Variants in TSHZ2 observed in about 807,000 individuals in gnomAD.
The protein encoded by TSHZ2 is teashirt zinc finger homeobox 2.
In TSHZ2, 21 loss-of-function variants were observed where a neutral mutation model predicts 74.4. The ratio of observed to expected loss-of-function variants is 0.28; its 90% CI spans 0.20 to 0.41. TSHZ2 has a LOEUF of 0.41. Ranked by LOEUF, TSHZ2 falls within the 10% of genes least tolerant of loss-of-function variation. TSHZ2 has a pLI of 1.00. For missense variants in TSHZ2, 1,244 were observed against 1,293.5 expected, an observed-to-expected ratio of 0.96 and a Z score of 0.59; for synonymous variants, 540 against 515.3, an observed-to-expected ratio of 1.05 and a Z score of -0.65.
At chr20:53,417,364 T>G (rs1173389919) in intron 2 of TSHZ2, among the ~76,000 whole-genome samples, 1 of 152,054 alleles carries the variant, frequency 6.6e-6, no homozygotes, top group African/African-American at 2.4e-5. Context: ...TGGCACAATC[T>G]TGGCTTACTG....
intron 2 of TSHZ2, among the ~76,000 whole-genome samples, chr20:53,272,845 G>A (rs1351115279): frequency 6.6e-6 from 1 of 152,176 alleles, no homozygotes; most frequent in Non-Finnish European, 1.5e-5. Flanking sequence ...AGAGAAACAG[G>A]GGATGCAGGT....
At chr20:53,468,206 A>T (rs1985619056) in intron 2 of TSHZ2, among the ~76,000 whole-genome samples, 1 of 152,166 alleles carries the variant, frequency 6.6e-6, no homozygotes, top group African/African-American at 2.4e-5. Flanking sequence ...ATTTAGATTG[A>T]CATACCTTTG....
At chr20:53,170,149 C>A (rs1335951603) in intron 1 of TSHZ2, among the ~76,000 whole-genome samples, 3 of 152,194 alleles carry the variant, frequency 2.0e-5, no homozygotes, top group Non-Finnish European at 2.9e-5. Context: ...GAATGGAGAT[C>A]TATTCAGCCC....
At chr20:53,185,362 T>C (rs1215294776) in intron 1 of TSHZ2, 1 of 1,169,894 alleles carries the variant, frequency 8.5e-7, no homozygotes. Flanking sequence ...TGCTCCAAAA[T>C]TGGTGATAGC....
At chr20:53,023,648 A>G (rs1983329739) in intron 1 of TSHZ2, among the ~76,000 whole-genome samples, 5 of 146,432 alleles carry the variant, frequency 3.4e-5, no homozygotes, top group Non-Finnish European at 7.5e-5. Context: ...GTTTTTTATG[A>G]GTTATCAAGT....
rs539937881 is a variant in TSHZ2 at position 53,265,399 on chromosome 20, G to A, written c.*8+8828G>A. On this transcript the variant is annotated intron_variant, in intron 2 of 2. Transcript: ENST00000371497. The stretch of plus-strand genomic sequence containing the variant: ...GTGTTGGAGGTGAGCAGGGACAGGC[G>A]GGGGTGCAGCAAGTCATGGCAGGGG... 5.3e-5 allele frequency among the ~76,000 whole-genome samples: 8 copies of A among 152,206 alleles called. No individual in the cohort carries two copies. In the South Asian group the frequency reaches 6.2e-4, roughly 12 times the overall value.
At chr20:53,037,560 G>C (rs1342301953) in intron 1 of TSHZ2, among the ~76,000 whole-genome samples, 2 of 152,116 alleles carry the variant, frequency 1.3e-5, no homozygotes, top group African/African-American at 4.8e-5. Flanking sequence ...TTCCATCTAT[G>C]TTCTTCCCAG....
rs563434905 is a variant in TSHZ2 at position 53,437,222 on chromosome 20, C to T, written c.*9-49922C>T. ...GCACAGTAGCTCACGCCTGTAATTC[C>T]AGCACTTTGGGAGGCCGAGGCAGAT... On this transcript the variant is annotated intron_variant, in intron 2 of 2. Coordinates refer to ENST00000371497, the MANE Select transcript of TSHZ2 (RefSeq NM_173485.6). 5.3e-5 allele frequency among the ~76,000 whole-genome samples: 8 copies of T among 152,236 alleles called. No homozygotes were observed. In the South Asian group the frequency reaches 1.5e-3, roughly 28 times the overall value.
intron 2 of TSHZ2, among the ~76,000 whole-genome samples, chr20:53,434,327 T>G (rs1983962012): frequency 6.6e-6 from 1 of 152,220 alleles, no homozygotes; most frequent in Admixed American, 6.5e-5. Flanking sequence ...CATTCAAATT[T>G]AAGGTCACCC....
At chr20:53,188,159 A>G (rs1374260185) in intron 1 of TSHZ2, among the ~76,000 whole-genome samples, 1 of 152,144 alleles carries the variant, frequency 6.6e-6, no homozygotes, top group African/African-American at 2.4e-5. Context: ...TGCTCCCACA[A>G]TTCCAATGCG....
intron 1 of TSHZ2, among the ~76,000 whole-genome samples, chr20:52,994,356 G>GGATT (rs1011061066): frequency 6.6e-6 from 1 of 151,844 alleles, no homozygotes; most frequent in African/African-American, 2.4e-5. Flanking sequence ...ATGGATAGAT[G>GGATT]GATTGATGGA....
chr20:53,191,611 T>G (rs765213346), intron 1 of TSHZ2, among the ~76,000 whole-genome samples: 4 of 152,202 alleles, frequency 2.6e-5, no homozygotes, highest in African/African-American at 4.8e-5. Context: ...TGCAGTGAGC[T>G]GGGATTGCAC....
At chr20:53,437,409 G>A (rs1197174820) in intron 2 of TSHZ2, among the ~76,000 whole-genome samples, 2 of 152,090 alleles carry the variant, frequency 1.3e-5, no homozygotes, top group African/African-American at 4.8e-5. Flanking sequence ...GGGGACAGAG[G>A]TTGCAGTGAG....
At position 53,259,454 on chromosome 20, in the gene TSHZ2, A is replaced by G. The variant is rs866707909; in HGVS notation, c.*8+2883A>G. On this transcript the variant is annotated intron_variant, in intron 2 of 2. Transcript: ENST00000371497. The stretch of plus-strand genomic sequence containing the variant: ...GTAATCTAAAACAATTTCAATATGT[A>G]TTTGTATATAGCTTTAAAAGCCACA... 2.6e-5 allele frequency among the ~76,000 whole-genome samples: 4 copies of G among 152,364 alleles called. No individual in the cohort carries two copies. In the East Asian group the frequency reaches 7.7e-4, roughly 29 times the overall value.
chr20:53,119,307 A>G (rs1195226966), intron 1 of TSHZ2, among the ~76,000 whole-genome samples: 1 of 152,232 alleles, frequency 6.6e-6, no homozygotes, highest in Non-Finnish European at 1.5e-5. Flanking sequence ...AGCATTTGCT[A>G]TGTTCTAGAT....
intron 1 of TSHZ2, among the ~76,000 whole-genome samples, chr20:53,187,108 A>T (rs534321618): frequency 6.6e-6 from 1 of 152,280 alleles, no homozygotes; most frequent in African/African-American, 2.4e-5. Context: ...CCAATATAGC[A>T]TAGATACAGG....
chr20:53,095,208 G>T (rs1458797494), intron 1 of TSHZ2, among the ~76,000 whole-genome samples: 3 of 152,210 alleles, frequency 2.0e-5, no homozygotes, highest in Non-Finnish European at 4.4e-5. Context: ...CTTTTGCTAT[G>T]TTGGCTCTAT....
rs764901144 is a variant in TSHZ2, at chr20:53,255,183, G to A, written c.1725G>A (p.Leu575=). ...LQIRPNLTNK[L]RPIAPKWKVM... Reference sequence around the variant, plus strand: ...TCCGGCCTAATCTCACCAACAAGCTGAGGCCCATTGCACCAAAGTGGAAAG... The same window carrying A: ...TCCGGCCTAATCTCACCAACAAGCTAAGGCCCATTGCACCAAAGTGGAAAG... The change falls in exon 2 of 3, where the codon CTG becomes CTA. Residue 575 remains leucine, a synonymous_variant. Coordinates refer to ENST00000371497, the MANE Select transcript of TSHZ2 (RefSeq NM_173485.6). This position sits in a 1 kb window ranked among gnomAD's most constrained non-coding sequence, Gnocchi z 4.1. The A allele has an allele frequency of 1.9e-6, 3 of 1,614,162 alleles. No individual in the cohort carries two copies. The highest frequency in any genetic ancestry group is 1.1e-5 in the South Asian group (1 of 91,082).
intron 2 of TSHZ2, among the ~76,000 whole-genome samples, chr20:53,339,639 C>T (rs930888020): frequency 6.6e-5 from 10 of 152,110 alleles, no homozygotes; most frequent in South Asian, 2.1e-4. Flanking sequence ...AAGCACAGGA[C>T]GCTATGCAGT....
Sources: gnomAD v4.1 joint callset for allele counts (sites outside exome capture counted in the v4.1 genomes callset) on GRCh38, gnomAD v4.1.1 for gene constraint, Gnocchi (gnomAD v3.1) non-coding constraint, MANE v1.5 for transcripts, NCBI Gene and HGNC (gene_info 2026-07-23, HGNC 2026-07-21) for gene names.